Variants in RBFOX1 observed in about 807,000 individuals in gnomAD.
The protein encoded by RBFOX1 is RNA binding protein fox-1 homolog 1.
In RBFOX1, 8 loss-of-function variants were observed where a neutral mutation model predicts 57.7. The observed-to-expected ratio is 0.14, with a 90% CI of 0.08 to 0.25. The LOEUF (loss-of-function observed/expected upper bound fraction) is 0.25. RBFOX1 is among the 10% of genes least tolerant of loss of function. The pLI is 1.00. For missense variants in RBFOX1, 611 were observed against 548.5 expected (o/e 1.11, Z -1.14); for synonymous variants, 326 against 222.4 (o/e 1.47, Z -4.15).
chr16:5,463,146 G>GT (rs1365521486), intron 1 of RBFOX1, among the ~76,000 whole-genome samples: 5 of 152,176 alleles, frequency 3.3e-5, no homozygotes, highest in Non-Finnish European at 7.4e-5. Flanking sequence ...ATCCCTGGTT[G>GT]TACTTCCAGG....
At chr16:5,535,807 C>T (rs900426398) in intron 2 of RBFOX1, among the ~76,000 whole-genome samples, 1 of 152,170 alleles carries the variant, frequency 6.6e-6, no homozygotes, top group Non-Finnish European at 1.5e-5. Flanking sequence ...CCAGGTTTCA[C>T]CACATTCGAC....
At chr16:5,964,724 A>G (rs534479944) in intron 4 of RBFOX1, among the ~76,000 whole-genome samples, 1 of 152,126 alleles carries the variant, frequency 6.6e-6, no homozygotes, top group East Asian at 1.9e-4. Flanking sequence ...ACTTATATAT[A>G]CACACAATGA....
chr16:6,571,909 ATTAC>A lies in RBFOX1; in HGVS notation c.-63-82691_-63-82688del, dbSNP rs527864965. Among the ~76,000 whole-genome samples, 31 of 139,732 alleles carry A rather than the reference ATTAC, an allele frequency of 2.2e-4. No homozygotes were observed. The South Asian group carries it at 6.0e-3, about 27-fold the overall frequency. 91.7% of individuals were successfully genotyped at this position (139,732 alleles called of 152,430 possible). A position where few individuals can be genotyped will look rare whatever the true frequency, so the allele number is the denominator to read the frequency against. On this transcript the variant is annotated intron_variant, in intron 2 of 15. Coordinates refer to ENST00000550418, the MANE Select transcript of RBFOX1 (RefSeq NM_018723.4). ...TACAACTGTTGGTAACATTTGATTA[ATTAC>A]TTTTATTACAATTATGATTATCATC...
rs575001811 is a variant in RBFOX1, at chr16:6,097,482, A to G, written c.-127+77490A>G. ...GCCCATCCAAACCTACAGAAGCAGA[A>G]TCTCTGGTGGCAGGAACCAGCAATC... is the stretch of plus-strand genomic sequence containing the variant. On this transcript the variant is annotated intron_variant, in intron 1 of 15. Coordinates refer to ENST00000550418, the MANE Select transcript of RBFOX1 (RefSeq NM_018723.4). This position sits in a 1 kb window ranked among gnomAD's most constrained non-coding sequence, Gnocchi z 5.0. Among the ~76,000 whole-genome samples, 1 of 152,282 alleles carries G rather than the reference A, an allele frequency of 6.6e-6. No individual in the cohort carries two copies. Among genetic ancestry groups the G allele is most frequent in the Admixed American group, 6.5e-5 (1 of 15,290 alleles).
At chr16:6,257,578 C>G (rs2097676112) in intron 1 of RBFOX1, among the ~76,000 whole-genome samples, 1 of 152,108 alleles carries the variant, frequency 6.6e-6, no homozygotes, top group East Asian at 1.9e-4. Context: ...ACTTCCCATC[C>G]TCCACCCTGA....
At chr16:6,551,770 G>A (rs1203855881) in intron 2 of RBFOX1, among the ~76,000 whole-genome samples, 1 of 152,160 alleles carries the variant, frequency 6.6e-6, no homozygotes, top group African/African-American at 2.4e-5. Context: ...AGCTGAGATG[G>A]TCCTTTTCCA....
chr16:7,461,112 A>G (rs551239599), intron 4 of RBFOX1, among the ~76,000 whole-genome samples: 79 of 152,304 alleles, frequency 5.2e-4, no homozygotes, highest in African/African-American at 1.8e-3. Flanking sequence ...ACTTATGGCA[A>G]TAACATTATA....
chr16:5,802,014 G>C lies in RBFOX1; in HGVS notation c.319-65289G>C, dbSNP rs139334963. Among the ~76,000 whole-genome samples, 446 of 152,256 alleles carry C rather than the reference G, an allele frequency of 2.9e-3. 4 individuals are homozygous for C. Among genetic ancestry groups the C allele is most frequent in the African/African-American group, 0.01 (422 of 41,552 alleles). ...GGTCTGCTGGAGGCTGCATTCGCTG[G>C]AGGAAGAGGAGACCTTGACGGGGCC... On this transcript the variant is annotated intron_variant, in intron 3 of 19. Coordinates refer to the RBFOX1 transcript ENST00000641259.
intron 5 of RBFOX1, among the ~76,000 whole-genome samples, chr16:7,572,191 A>C (rs2092850454): frequency 6.6e-6 from 1 of 152,222 alleles, no homozygotes; most frequent in Non-Finnish European, 1.5e-5. Context: ...CCCTCTTTAT[A>C]CAAGGGACTT....
In RBFOX1 at chr16:7,031,324, T is replaced by C. The variant is rs529953479; in HGVS notation, c.-15-20733T>C. Among the ~76,000 whole-genome samples the C allele has an allele frequency of 5.9e-5, 9 of 152,226 alleles. No individual in the cohort carries two copies. The South Asian group carries it at 1.7e-3, about 28-fold the overall frequency. On this transcript the variant is annotated intron_variant, in intron 3 of 15. Coordinates refer to ENST00000550418, the MANE Select transcript of RBFOX1 (RefSeq NM_018723.4). ...TAAAAGCAGTATCATGGCTGGGTGC[T>C]ATGGCTCATACCTGTAATCTCAGCA...
intron 3 of RBFOX1, among the ~76,000 whole-genome samples, chr16:6,863,083 A>T (rs11644829): frequency 0.24 from 36,447 of 151,690 alleles, 4,857 homozygotes; most frequent in Admixed American, 0.37. Context: ...TATGGTGGAG[A>T]ACAGTGGAAG....
chr16:6,366,221 G>A (rs2089587114), intron 2 of RBFOX1, among the ~76,000 whole-genome samples: 1 of 151,888 alleles, frequency 6.6e-6, no homozygotes, highest in Admixed American at 6.6e-5. Context: ...CATCTTGCTG[G>A]AAGATATATG....
chr16:7,532,142 T>C (rs2080246919), intron 5 of RBFOX1, among the ~76,000 whole-genome samples: 1 of 87,110 alleles, frequency 1.1e-5, no homozygotes, highest in African/African-American at 2.7e-5. Context: ...CTTTTTTTTT[T>C]TTTTCACTAA....
At chr16:6,504,881 C>G (rs1395090403) in intron 2 of RBFOX1, among the ~76,000 whole-genome samples, 1 of 149,666 alleles carries the variant, frequency 6.7e-6, no homozygotes, top group African/African-American at 2.4e-5. Context: ...TGGTGAAACT[C>G]TGTCTCTACT....
intron 4 of RBFOX1, among the ~76,000 whole-genome samples, chr16:7,474,028 C>A (rs1281457538): frequency 6.6e-6 from 1 of 152,124 alleles, no homozygotes; most frequent in Non-Finnish European, 1.5e-5. Context: ...GTGGCTCACG[C>A]CTGTGGTCCC....
intron 3 of RBFOX1, among the ~76,000 whole-genome samples, chr16:5,850,733 A>C (rs954002083): frequency 2.0e-5 from 3 of 152,228 alleles, no homozygotes; most frequent in African/African-American, 7.2e-5. Flanking sequence ...AGTCAGTGAC[A>C]GAGGTGAAAG....
At chr16:7,585,511 A>C (rs1243957961) in intron 6 of RBFOX1, among the ~76,000 whole-genome samples, 1 of 152,084 alleles carries the variant, frequency 6.6e-6, no homozygotes, top group African/African-American at 2.4e-5. Context: ...TCTGAACAGA[A>C]GTGCTGGTAG....
intron 5 of RBFOX1, among the ~76,000 whole-genome samples, chr16:7,568,391 C>T (rs1353113535): frequency 6.6e-6 from 1 of 152,120 alleles, no homozygotes; most frequent in African/African-American, 2.4e-5. Context: ...CATTTGGAAA[C>T]TGTTGTGGTA....
intron 2 of RBFOX1, among the ~76,000 whole-genome samples, chr16:6,610,931 A>G (rs2098039689): frequency 6.6e-6 from 1 of 152,210 alleles, no homozygotes; most frequent in Non-Finnish European, 1.5e-5. Flanking sequence ...AGTAGACCAT[A>G]AAATGTGGAA....
Sources: gnomAD v4.1 joint callset for allele counts (sites outside exome capture counted in the v4.1 genomes callset) on GRCh38, gnomAD v4.1.1 for gene constraint, Gnocchi (gnomAD v3.1) non-coding constraint, MANE v1.5 for transcripts, NCBI Gene and HGNC (gene_info 2026-07-23, HGNC 2026-07-21) for gene names.